Variants in ZNF444 observed in about 807,000 individuals in gnomAD.
The protein encoded by ZNF444 is zinc finger protein 444.
ZNF444 carries 8 observed loss-of-function variants against 14.4 expected under a neutral mutation model. The ratio of observed to expected loss-of-function variants is 0.56; its 90% CI spans 0.33 to 1.00. The LOEUF (loss-of-function observed/expected upper bound fraction) is 1.00. ZNF444 is among the 50% of genes least tolerant of loss of function. ZNF444 has a pLI of 0.03. For missense variants in ZNF444, 510 were observed against 504.8 expected (o/e 1.01, Z -0.10); for synonymous variants, 258 against 235.9 (o/e 1.09, Z -0.86).
At chr19:56,143,876 G>C (rs1470467209) in intron 1 of ZNF444, among the ~76,000 whole-genome samples, 1 of 152,176 alleles carries the variant, frequency 6.6e-6, no homozygotes, top group Non-Finnish European at 1.5e-5. Context: ...GGCTCTCCAA[G>C]GGGGTAATAA....
chr19:56,150,832 A>T (rs1405241104), intron 3 of ZNF444: 1 of 380,112 alleles, frequency 2.6e-6, no homozygotes, highest in African/African-American at 3.9e-5. Flanking sequence ...GCTGCTGTGG[A>T]TTGGGGTTTC....
chr19:56,133,682 G>A (rs1312327388), intron 1 of ZNF444, among the ~76,000 whole-genome samples: 8 of 151,416 alleles, frequency 5.3e-5, no homozygotes, highest in African/African-American at 1.5e-4. Flanking sequence ...GCGTGGTGGC[G>A]GGCACCTGTA....
intron 1 of ZNF444, among the ~76,000 whole-genome samples, chr19:56,143,185 A>G (rs756598970): frequency 1.3e-5 from 2 of 152,174 alleles, no homozygotes; most frequent in Non-Finnish European, 2.9e-5. Context: ...CCCTTACTTA[A>G]CAGCATGTGC....
chr19:56,160,725 G>A lies in ZNF444; in HGVS notation c.*524G>A. On this transcript the variant is annotated 3_prime_UTR_variant, in exon 5 of 5. Coordinates refer to ENST00000337080, the MANE Select transcript of ZNF444 (RefSeq NM_018337.4). Reference sequence around the variant, plus strand: ...TTGGGGGTTGGGGGAGGCAGCGGGTGATGGCTCTGAAGCTGAACCCAGGGC... The same window carrying A: ...TTGGGGGTTGGGGGAGGCAGCGGGTAATGGCTCTGAAGCTGAACCCAGGGC... The A allele has an allele frequency of 6.8e-6, 1 of 147,426 alleles. No homozygotes were observed. The highest frequency in any genetic ancestry group is 1.4e-5 in the Non-Finnish European group (1 of 69,798). The allele number at this position is 147,426 out of a possible 1,614,324, so 9.1% of individuals were successfully genotyped here.
At position 56,160,531 on chromosome 19, in the gene ZNF444, A is replaced by C. The variant is rs2032232174; in HGVS notation, c.*330A>C. ...GGCCCAGCCTCCCTCTCCCTCCTCC[A>C]TTCCTCTCTCCCTGCCCTTTTCCTG... On this transcript the variant is annotated 3_prime_UTR_variant, in exon 5 of 5. Coordinates refer to ENST00000337080, the MANE Select transcript of ZNF444 (RefSeq NM_018337.4). The C allele has an allele frequency of 2.0e-4, 55 of 273,172 alleles. No homozygotes were observed. Among genetic ancestry groups the C allele is most frequent in the East Asian group, 2.3e-4 (3 of 12,938 alleles). 16.9% of individuals were successfully genotyped at this position (273,172 alleles called of 1,614,324 possible).
At chr19:56,132,935 C>CTTTCTTTTTT (rs780382826) in intron 1 of ZNF444, among the ~76,000 whole-genome samples, 44 of 94,288 alleles carry the variant, frequency 4.7e-4, no homozygotes, top group South Asian at 9.0e-4. Context: ...TTCTTTCTTT[C>CTTTCTTTTTT]TTTTTTTTTT....
intron 3 of ZNF444, among the ~76,000 whole-genome samples, chr19:56,148,429 A>G (rs1175727244): frequency 6.6e-6 from 1 of 151,960 alleles, no homozygotes; most frequent in Non-Finnish European, 1.5e-5. Context: ...GAGATGTAGC[A>G]GCAGAGAGGG....
At chr19:56,154,599 CCAACCA>C (rs2031786665) in intron 3 of ZNF444, 1 of 151,430 alleles carries the variant, frequency 6.6e-6, no homozygotes, top group Admixed American at 6.6e-5. Flanking sequence ...ACCCCCACCC[CCAACCA>C]CCTAACAGGA....
chr19:56,158,217 C>G (rs992396673), intron 3 of ZNF444: 3 of 309,540 alleles, frequency 9.7e-6, no homozygotes, highest in Admixed American at 5.1e-5. Context: ...GCACGCGGAC[C>G]TGGCCCAGGG....
rs1279049064 is a variant in ZNF444, at chr19:56,160,240, G to GC, written c.*44dup. 2.2e-6 allele frequency: 3 copies of GC among 1,390,366 alleles called. No homozygotes were observed. The African/African-American group carries it at 4.6e-5, about 21-fold the overall frequency. 86.1% of individuals were successfully genotyped at this position (1,390,366 alleles called of 1,614,324 possible). A position where few individuals can be genotyped will look rare whatever the true frequency, so the allele number is the denominator to read the frequency against. On this transcript the variant is annotated 3_prime_UTR_variant, in exon 5 of 5. Transcript: ENST00000337080. ...AGCGCCATCTCCCGCCCTTGGTGCT[G>GC]CCCCCGGGCGGTACCTGCTCTCTCC...
upstream of ZNF444, among the ~76,000 whole-genome samples, chr19:56,140,428 C>T (rs2030729583): frequency 6.6e-6 from 1 of 152,126 alleles, no homozygotes; most frequent in African/African-American, 2.4e-5. Context: ...CAGGACGGGG[C>T]AGTAGTCTGT....
intron 3 of ZNF444, chr19:56,157,837 C>G (rs1353936861): frequency 6.6e-6 from 1 of 152,138 alleles, no homozygotes; most frequent in East Asian, 1.9e-4. Context: ...TCATCCCTTT[C>G]CCTTGGGGAC....
At chr19:56,153,044 T>C (rs2031681371) in intron 3 of ZNF444, among the ~76,000 whole-genome samples, 2 of 152,106 alleles carry the variant, frequency 1.3e-5, no homozygotes, top group Admixed American at 6.6e-5. Context: ...TAGTAGACTT[T>C]CACATTTTTT....
chr19:56,133,550 C>G (rs1201631563), intron 1 of ZNF444, among the ~76,000 whole-genome samples: 1 of 149,904 alleles, frequency 6.7e-6, no homozygotes, highest in Non-Finnish European at 1.5e-5. Flanking sequence ...CGATGGCTCA[C>G]GCCTGTAATC....
rs1417230244 is a variant in ZNF444, at chr19:56,144,309, A to G, written c.-196-1938A>G. ...GGGCGACAGAGAGAGACCCTGTCTT[A>G]AAAAAAAGAAAAAAGAAAAAAAGGG... On this transcript the variant is annotated intron_variant, in intron 1 of 4. Coordinates refer to ENST00000337080, the MANE Select transcript of ZNF444 (RefSeq NM_018337.4). This position sits in a 1 kb window ranked among gnomAD's most constrained non-coding sequence, Gnocchi z 4.0. Among the ~76,000 whole-genome samples the G allele has an allele frequency of 6.6e-6, 1 of 151,556 alleles. No homozygotes were observed. Among genetic ancestry groups the G allele is most frequent in the African/African-American group, 2.4e-5 (1 of 41,066 alleles).
chr19:56,136,033 G>T (rs1008151531), intron 1 of ZNF444, among the ~76,000 whole-genome samples: 1 of 132,062 alleles, frequency 7.6e-6, no homozygotes, highest in Non-Finnish European at 1.5e-5. Flanking sequence ...AGTGAGCCAA[G>T]ATCTCACCAC....
At chr19:56,137,766 G>C (rs185530424), upstream of ZNF444, among the ~76,000 whole-genome samples, 1 of 152,300 alleles carries the variant, frequency 6.6e-6, no homozygotes, top group East Asian at 1.9e-4. Context: ...GCAGGCTAGC[G>C]ACAAGGGTTT....
rs1321182990 is a variant in ZNF444, at chr19:56,158,601, A to G, written c.405A>G (p.Leu135=). 1.9e-6 allele frequency: 3 copies of G among 1,606,446 alleles called. No individual in the cohort carries two copies. Among genetic ancestry groups the G allele is most frequent in the Admixed American group, 1.7e-5 (1 of 59,070 alleles). Reference sequence around the variant, plus strand: ...AGGAGGACAGTGGGATGATTCCCTTAGGTGAGCTGCTGGCCTCTCTGGTTC... The same window carrying G: ...AGGAGGACAGTGGGATGATTCCCTTGGGTGAGCTGCTGGCCTCTCTGGTTC... ...GGKEDSGMIP[L]AGTAPGAEGP... The change falls in exon 4 of 5, where the codon TTA becomes TTG. Residue 135 remains leucine (L), a splice_region_variant and synonymous_variant. Coordinates refer to ENST00000337080, the MANE Select transcript of ZNF444 (RefSeq NM_018337.4).
upstream of ZNF444, among the ~76,000 whole-genome samples, chr19:56,138,792 CTTTTTTTT>C (rs59273024): frequency 5.4e-5 from 5 of 92,872 alleles, no homozygotes; most frequent in African/African-American, 2.2e-4. Context: ...CTTGAATGTA[CTTTTTTTT>C]TTTTTTTTTT....
Sources: gnomAD v4.1 joint callset for allele counts (sites outside exome capture counted in the v4.1 genomes callset) on GRCh38, gnomAD v4.1.1 for gene constraint, Gnocchi (gnomAD v3.1) non-coding constraint, MANE v1.5 for transcripts, NCBI Gene and HGNC (gene_info 2026-07-23, HGNC 2026-07-21) for gene names.